The following DCLRE1C variants were observed in gnomAD, a reference collection of about 807,000 sequenced individuals.
DCLRE1C encodes the protein protein artemis.
A neutral mutation model predicts 61.4 loss-of-function variants in DCLRE1C; 47 were observed. That is an observed-to-expected ratio of 0.77 (90% CI 0.61 to 0.98). The LOEUF is 0.98. DCLRE1C is among the 50% of genes least tolerant of loss of function. DCLRE1C has a pLI of 0.00. For synonymous variants in DCLRE1C, 337 were observed against 287.6 expected, an observed-to-expected ratio of 1.17 and a Z score of -1.74; for missense variants, 858 against 816.0, an observed-to-expected ratio of 1.05 and a Z score of -0.63.
At chr10:14,926,943 C>G (rs1180372057) in intron 10 of DCLRE1C, 46 bp from the exon 11 acceptor site, 1 of 1,545,046 alleles carries the variant, frequency 6.5e-7, no homozygotes, top group Non-Finnish European at 8.9e-7. Flanking sequence ...CTGAGCAAAA[C>G]TAAAACTAAG....
chr10:14,920,636 C>T (rs1836948343), intron 12 of DCLRE1C, among the ~76,000 whole-genome samples: 1 of 152,160 alleles, frequency 6.6e-6, no homozygotes. Flanking sequence ...GTTAACTTTT[C>T]AAAGTAAGGT....
intron 13 of DCLRE1C, among the ~76,000 whole-genome samples, chr10:14,912,165 C>A (rs994053625): frequency 1.3e-5 from 2 of 152,180 alleles, no homozygotes; most frequent in African/African-American, 4.8e-5. Context: ...AGGCTGGAGA[C>A]TTGATCTGCC....
At chr10:14,954,186 C>T, upstream of DCLRE1C, 1 of 1,101,772 alleles carries the variant, frequency 9.1e-7, no homozygotes, top group South Asian at 1.4e-5. Context: ...AGCATCCGGT[C>T]GGGTTCTAGG....
At chr10:14,911,844 A>C (rs1185192807) in intron 13 of DCLRE1C, among the ~76,000 whole-genome samples, 2 of 152,268 alleles carry the variant, frequency 1.3e-5, no homozygotes, top group African/African-American at 4.8e-5. Flanking sequence ...CACATGAAAG[A>C]AAGCTCAACA....
intron 2 of DCLRE1C, among the ~76,000 whole-genome samples, 177 bp downstream of exon 2, chr10:14,948,859 A>T (rs998698368): frequency 6.6e-6 from 1 of 152,016 alleles, no homozygotes; most frequent in East Asian, 1.9e-4. Context: ...CTTTGGGAGG[A>T]GGGAATGAGT....
chr10:14,947,359 T>C (rs1841855586), intron 2 of DCLRE1C, among the ~76,000 whole-genome samples: 1 of 152,180 alleles, frequency 6.6e-6, no homozygotes, highest in African/African-American at 2.4e-5. Flanking sequence ...CTCTGCTCAC[T>C]GATGTTTGAT....
downstream of DCLRE1C, chr10:14,902,709 C>T (rs894321647): frequency 2.9e-5 from 12 of 411,950 alleles, no homozygotes; most frequent in African/African-American, 8.1e-5. Context: ...GATATGAAGT[C>T]GACATATTTA....
At position 14,906,333 on chromosome 10, in the gene DCLRE1C, A is replaced by G. The variant is rs41300708; in HGVS notation, c.*2075T>C. Among the ~76,000 whole-genome samples the G allele has an allele frequency of 3.8e-3, 580 of 152,366 alleles. 9 individuals carry two copies. The highest frequency in any genetic ancestry group is 0.03 in the Admixed American group (464 of 15,296). On this transcript the variant is annotated 3_prime_UTR_variant, in exon 14 of 14. Transcript: ENST00000378278. ...CCAAATATAATTTCTGGTAATCACT[A>G]TCGGTTTCTTGATCACATCTGTTGT...
chr10:14,900,224 G>T (rs971829107), downstream of DCLRE1C, among the ~76,000 whole-genome samples: 4 of 152,136 alleles, frequency 2.6e-5, no homozygotes, highest in African/African-American at 9.7e-5. Flanking sequence ...AATACAGCTG[G>T]CACTTAACTG....
intron 12 of DCLRE1C, 150 bp downstream of exon 12, chr10:14,922,831 C>T: frequency 1.5e-6 from 1 of 675,176 alleles, no homozygotes; most frequent in Admixed American, 2.2e-5. Flanking sequence ...AAAGGAAACA[C>T]TCCAGGAAAA....
At chr10:14,935,286 G>A (rs1839721386) in intron 6 of DCLRE1C, among the ~76,000 whole-genome samples, 177 bp downstream of exon 6, 1 of 152,004 alleles carries the variant, frequency 6.6e-6, no homozygotes, top group African/African-American at 2.4e-5. Flanking sequence ...GCCCAACATG[G>A]CAAAACCCCA....
chr10:14,953,280 G>C (rs1842726975), intron 1 of DCLRE1C, among the ~76,000 whole-genome samples: 2 of 152,180 alleles, frequency 1.3e-5, no homozygotes, highest in Admixed American at 1.3e-4. Flanking sequence ...TGGAGCATCA[G>C]CGACACTCTA....
chr10:14,904,543 C>T (rs75147654), downstream of DCLRE1C, among the ~76,000 whole-genome samples: 684 of 151,846 alleles, frequency 4.5e-3, 8 homozygotes, highest in African/African-American at 0.015. Context: ...TGATCTTGTC[C>T]ACTTTTTTGT....
chr10:14,920,319 C>CT, intron 12 of DCLRE1C: 1 of 932,302 alleles, frequency 1.1e-6, no homozygotes. Context: ...AGGCTGAAAG[C>CT]TAAGACAAAG....
At chr10:14,930,482 G>C (rs1307188196) in intron 9 of DCLRE1C, among the ~76,000 whole-genome samples, 3 of 151,782 alleles carry the variant, frequency 2.0e-5, no homozygotes, top group African/African-American at 4.8e-5. Context: ...ACCCAGACTG[G>C]AGTGCAGTGG....
rs1554773194 is a variant in DCLRE1C at position 14,908,165 on chromosome 10, C to CTTTTCT, written c.*242_*243insAGAAAA. The CTTTTCT allele has an allele frequency of 4.0e-5, 8 of 197,858 alleles. 1 individual carries two copies. In the East Asian group the frequency reaches 1.4e-3, roughly 35 times the overall value. The allele number at this position is 197,858 out of a possible 1,614,324, so 12.3% of individuals were successfully genotyped here. A position where few individuals can be genotyped will look rare whatever the true frequency, so the allele number is the denominator to read the frequency against. On this transcript the variant is annotated 3_prime_UTR_variant, in exon 14 of 14. Coordinates refer to ENST00000378278, the MANE Select transcript of DCLRE1C (RefSeq NM_001033855.3). ...CAGAGTAGCCCACCACCATGCCTGG[C>CTTTTCT]TTTTTTTTTTTTTTTTTTTTTTGTA...
chr10:14,949,001 G>A, intron 2 of DCLRE1C, 35 bp downstream of exon 2: 3 of 1,485,100 alleles, frequency 2.0e-6, no homozygotes, highest in South Asian at 2.3e-5. Flanking sequence ...CAATTAAAAT[G>A]TTTGCTTAAA....
At chr10:14,942,598 T>C (rs1841037987) in intron 3 of DCLRE1C, among the ~76,000 whole-genome samples, 1 of 152,102 alleles carries the variant, frequency 6.6e-6, no homozygotes, top group Non-Finnish European at 1.5e-5. Flanking sequence ...GAAGAAAACT[T>C]CAGTCACATC....
intron 3 of DCLRE1C, among the ~76,000 whole-genome samples, chr10:14,942,847 C>T (rs1001814987): frequency 2.0e-5 from 3 of 152,068 alleles, no homozygotes; most frequent in African/African-American, 7.2e-5. Context: ...AAACAGAAGC[C>T]CGGCATAGTG....
Sources: allele counts gnomAD v4.1 joint callset (sites outside exome capture counted in the v4.1 genomes callset), GRCh38; gene constraint gnomAD v4.1.1; transcripts MANE v1.5; gene names NCBI Gene and HGNC (gene_info 2026-07-23, HGNC 2026-07-21).